Variants in RAPSN observed in about 807,000 individuals in gnomAD.
RAPSN encodes receptor associated protein of the synapse, also known as 43 kDa receptor-associated protein of the synapse.
RAPSN carries 33 observed loss-of-function variants against 45.7 expected under a neutral mutation model. The observed-to-expected ratio is 0.72, with a 90% confidence interval of 0.55 to 0.97. The LOEUF (loss-of-function observed/expected upper bound fraction) is 0.97, where lower values mean the gene tolerates loss of function less well. RAPSN is among the 50% of genes least tolerant of loss of function. The pLI, the probability that RAPSN is intolerant of heterozygous loss-of-function variation, is 0.00. For synonymous variants in RAPSN, 244 were observed against 233.6 expected (o/e 1.04, Z -0.40); for missense variants, 519 against 559.4 (o/e 0.93, Z 0.73).
In RAPSN at chr11:47,447,310, C is replaced by T. The variant is rs540000137; in HGVS notation, c.531+502G>A. ...TTGACTTCCTGACTGTGTTGATCGT[C>T]TTTCTTCTCCAACTAGAATGCAACC... is the stretch of plus-strand genomic sequence containing the variant. On this transcript the variant is annotated intron_variant, in intron 2 of 7. Transcript: ENST00000298854. Among the ~76,000 whole-genome samples the T allele has an allele frequency of 2.1e-3, 327 of 152,248 alleles. 10 individuals are homozygous for T. In the South Asian group the frequency reaches 0.066, roughly 30 times the overall value.
intron 5 of RAPSN, 24 bp from the exon 6 acceptor site, chr11:47,441,236 G>A (rs1251356696): frequency 6.2e-7 from 1 of 1,612,666 alleles, no homozygotes; most frequent in African/African-American, 1.3e-5. Context: ...ATAGGCCAGG[G>A]CTGCGGGCAG....
intron 6 of RAPSN, among the ~76,000 whole-genome samples, chr11:47,439,953 C>A (rs1178823191): frequency 6.6e-6 from 1 of 152,032 alleles, no homozygotes; most frequent in African/African-American, 2.4e-5. Context: ...CCCACCTCGG[C>A]CTCCCAAAAT....
chr11:47,442,542 G>A, intron 3 of RAPSN, 114 bp downstream of exon 3: 1 of 1,266,600 alleles, frequency 7.9e-7, no homozygotes, highest in Non-Finnish European at 1.1e-6. Context: ...CCAGAGGCAA[G>A]CCCTAGGGGG....
intron 6 of RAPSN, among the ~76,000 whole-genome samples, chr11:47,440,067 T>C (rs1047986106): frequency 6.6e-6 from 1 of 152,172 alleles, no homozygotes; most frequent in African/African-American, 2.4e-5. Flanking sequence ...AAGCAAGCAC[T>C]AGATACCATT....
intron 2 of RAPSN, 95 bp downstream of exon 2, chr11:47,447,717 A>G: frequency 7.4e-7 from 1 of 1,347,726 alleles, no homozygotes; most frequent in Non-Finnish European, 1.0e-6. Context: ...CCTCCCTAAA[A>G]GGAGGGCTGA....
At chr11:47,443,931 C>CAAAAAAAAAAAAA (rs1161231934) in intron 2 of RAPSN, among the ~76,000 whole-genome samples, 26 of 13,960 alleles carry the variant, frequency 1.9e-3, no homozygotes, top group Non-Finnish European at 2.4e-3. Flanking sequence ...CTCTGTCTCA[C>CAAAAAAAAAAAAA]AAAAAAAAAA....
At chr11:47,440,566 A>G (rs2076354224) in intron 6 of RAPSN, among the ~76,000 whole-genome samples, 1 of 152,158 alleles carries the variant, frequency 6.6e-6, no homozygotes, top group Admixed American at 6.5e-5. Context: ...TGGCCAACGC[A>G]GTGAATCCCC....
intron 2 of RAPSN, among the ~76,000 whole-genome samples, chr11:47,446,143 C>T (rs2076404467): frequency 6.6e-6 from 1 of 151,164 alleles, no homozygotes; most frequent in Admixed American, 6.6e-5. Flanking sequence ...ACTCAAGCTG[C>T]TCTCAAACTC....
Position 47,438,854 on chromosome 11 carries a change from G to T in RAPSN, c.1044C>A (p.His348Gln). Residue 348 changes from histidine (H) to glutamine (Q), a missense_variant, in exon 7 of 8, where the codon CAC (histidine) becomes CAA (glutamine). Physicochemically the swap from His to Gln is conservative, Grantham distance 24. Coordinates refer to ENST00000298854, the MANE Select transcript of RAPSN (RefSeq NM_005055.5). ...SKGLQRELRA[H>Q]VVRFHECVEE... ...CCACGCACTCGTGGAACCTCACAAC[G>T]TGCGCCCGCAGTTCCCGCTGCAGCC... is the stretch of plus-strand genomic sequence containing the variant. 6.4e-7 allele frequency: 1 copy of T among 1,570,230 alleles called. No individual in the cohort carries two copies. Among genetic ancestry groups the T allele is most frequent in the Non-Finnish European group, 8.6e-7 (1 of 1,157,072 alleles).
chr11:47,441,914 A>G lies in RAPSN; in HGVS notation c.698T>C (p.Met233Thr), dbSNP rs970609700. The G allele has an allele frequency of 6.5e-7, 1 of 1,549,962 alleles. No individual in the cohort carries two copies. Among genetic ancestry groups the G allele is most frequent in the Non-Finnish European group, 8.7e-7 (1 of 1,152,592 alleles). ...GTCCCCGTGCTGCAGCGCGATCTTCATAGACTCCTGCGAGGGAGGCCAGTG... is the reference window on the plus strand; with the variant it reads ...GTCCCCGTGCTGCAGCGCGATCTTCGTAGACTCCTGCGAGGGAGGCCAGTG... ...GSAMECCEES[M>T]KIALQHGDRP... is the part of the protein sequence containing the mutation. Residue 233 changes from methionine to threonine, a missense_variant, in exon 4 of 8, where the codon ATG (methionine) becomes ACG (threonine). Met to Thr is a moderately conservative substitution (Grantham distance 81). Coordinates refer to ENST00000298854, the MANE Select transcript of RAPSN (RefSeq NM_005055.5).
At chr11:47,443,931 C>CAAAAAAA (rs1161231934) in intron 2 of RAPSN, among the ~76,000 whole-genome samples, 173 of 13,910 alleles carry the variant, frequency 0.012, 11 homozygotes, top group Admixed American at 0.018. Flanking sequence ...CTCTGTCTCA[C>CAAAAAAA]AAAAAAAAAA....
At chr11:47,442,570 GGAA>G in intron 3 of RAPSN, 83 bp downstream of exon 3, 2 of 1,487,280 alleles carry the variant, frequency 1.3e-6, no homozygotes, top group South Asian at 1.2e-5. Flanking sequence ...GGGCTGATTT[GGAA>G]GAAGGAAGCC....
chr11:47,443,931 CAAAAAAAAA>C (rs1161231934), intron 2 of RAPSN, among the ~76,000 whole-genome samples: 19 of 13,964 alleles, frequency 1.4e-3, no homozygotes, highest in Admixed American at 3.4e-3. Context: ...CTCTGTCTCA[CAAAAAAAAA>C]AAAAAAAAAA....
At position 47,442,831 on chromosome 11, in the gene RAPSN, A is replaced by C. The variant is rs776033390; in HGVS notation, c.532-17T>G. On this transcript the variant is annotated splice_polypyrimidine_tract_variant and intron_variant, in intron 2 of 7. Transcript: ENST00000298854. Reference sequence around the variant, plus strand: ...CTCGTAGTCCTGCAGGGGACATGGAATGGAAGGAGGCAAACTGAGTGGCAG... The same window carrying C: ...CTCGTAGTCCTGCAGGGGACATGGACTGGAAGGAGGCAAACTGAGTGGCAG... The C allele has an allele frequency of 1.9e-6, 3 of 1,613,458 alleles. No individual in the cohort carries two copies. In the South Asian group the frequency reaches 3.3e-5, roughly 18 times the overall value.
chr11:47,440,139 G>C (rs969514147), intron 6 of RAPSN, among the ~76,000 whole-genome samples: 1 of 152,162 alleles, frequency 6.6e-6, no homozygotes, highest in Non-Finnish European at 1.5e-5. Context: ...TGGGACCTTG[G>C]ACGCCTCTTT....
chr11:47,438,862 G>T lies in RAPSN; in HGVS notation c.1036C>A (p.Arg346=). Reference sequence around the variant, plus strand: ...TCGTGGAACCTCACAACGTGCGCCCGCAGTTCCCGCTGCAGCCCTTTGCTG... The same window carrying T: ...TCGTGGAACCTCACAACGTGCGCCCTCAGTTCCCGCTGCAGCCCTTTGCTG... ...YRSKGLQREL[R]AHVVRFHECV... Residue 346 remains arginine, a synonymous_variant, in exon 7 of 8, where the codon CGG becomes AGG. Transcript: ENST00000298854. 2 of 1,567,862 alleles carry T rather than the reference G, an allele frequency of 1.3e-6. No individual in the cohort carries two copies. Among genetic ancestry groups the T allele is most frequent in the East Asian group, 4.7e-5 (2 of 42,730 alleles).
chr11:47,441,931 AG>A lies in RAPSN; in HGVS notation c.691-11del, dbSNP rs34729771. ...CGATCTTCATAGACTCCTGCGAGGG[AG>A]GCCAGTGGCTCAGGCCTACTCCTCT... On this transcript the variant is annotated splice_polypyrimidine_tract_variant and intron_variant, in intron 3 of 7. Coordinates refer to ENST00000298854, the MANE Select transcript of RAPSN (RefSeq NM_005055.5). 0.69 allele frequency: 1,082,809 copies of A among 1,560,020 alleles called. 381,605 individuals carry two copies. The highest frequency in any genetic ancestry group is 0.77 in the South Asian group (65,649 of 85,268).
intron 3 of RAPSN, 97 bp from the exon 4 acceptor site, chr11:47,442,018 G>T: frequency 8.1e-7 from 1 of 1,241,766 alleles, no homozygotes. Flanking sequence ...GCCCAGGGAA[G>T]CAACATCCTC....
At position 47,441,878 on chromosome 11, in the gene RAPSN, T is replaced by C; in HGVS notation, c.734A>G (p.Gln245Arg). ...AGCGAAGCAGAGCAGGCAGAGCGCCTGCAGTGGCCGGTCCCCGTGCTGCAG... is the reference window on the plus strand; with the variant it reads ...AGCGAAGCAGAGCAGGCAGAGCGCCCGCAGTGGCCGGTCCCCGTGCTGCAG... Reference protein sequence around the residue: ...IALQHGDRPLQALCLLCFADI... With the variant: ...IALQHGDRPLRALCLLCFADI... Residue 245 changes from glutamine (Q) to arginine (R), a missense_variant, in exon 4 of 8, where the codon CAG becomes CGG. By Grantham distance (43) the Gln-to-Arg change is conservative. Coordinates refer to ENST00000298854, the MANE Select transcript of RAPSN (RefSeq NM_005055.5). 2 of 1,588,348 alleles carry C rather than the reference T, an allele frequency of 1.3e-6. No individual in the cohort carries two copies. Among genetic ancestry groups the C allele is most frequent in the Non-Finnish European group, 1.7e-6 (2 of 1,172,364 alleles).
Sources: gnomAD v4.1 joint callset for allele counts (sites outside exome capture counted in the v4.1 genomes callset) on GRCh38, gnomAD v4.1.1 for gene constraint, MANE v1.5 for transcripts, NCBI Gene and HGNC (gene_info 2026-07-23, HGNC 2026-07-21) for gene names.